The following VPS54 variants were observed in gnomAD, a reference collection of about 807,000 sequenced individuals.
VPS54 encodes the protein vacuolar protein sorting-associated protein 54.
Under a neutral mutation model 121.5 loss-of-function variants are expected in VPS54, and 45 were observed. The ratio of observed to expected loss-of-function variants is 0.37; its 90% CI spans 0.29 to 0.47. The LOEUF (loss-of-function observed/expected upper bound fraction) is 0.47, where lower values mean the gene tolerates loss of function less well. Ranked by LOEUF, VPS54 falls within the 20% of genes least tolerant of loss-of-function variation. VPS54 has a pLI of 0.99. For missense variants in VPS54, 1,090 were observed against 1,131.4 expected, an observed-to-expected ratio of 0.96 and a Z score of 0.52; for synonymous variants, 371 against 385.8, an observed-to-expected ratio of 0.96 and a Z score of 0.45.
intron 1 of VPS54, among the ~76,000 whole-genome samples, chr2:63,997,714 TTTG>T (rs1378481136): frequency 6.6e-6 from 1 of 152,014 alleles, no homozygotes; most frequent in Non-Finnish European, 1.5e-5. Context: ...TGCTCTGAGC[TTTG>T]TTATTTCTTT....
chr2:63,996,876 G>A (rs1376512182), intron 1 of VPS54, among the ~76,000 whole-genome samples: 1 of 152,036 alleles, frequency 6.6e-6, no homozygotes, highest in Non-Finnish European at 1.5e-5. Flanking sequence ...CATTTGCCTT[G>A]TGATATTTTG....
intron 22 of VPS54, among the ~76,000 whole-genome samples, chr2:63,894,194 CACAA>C (rs1672343494): frequency 6.6e-6 from 1 of 152,186 alleles, no homozygotes; most frequent in Admixed American, 6.5e-5. Flanking sequence ...AACAAATTCT[CACAA>C]ACTACTCCAC....
chr2:64,010,654 C>A (rs1280962916), intron 1 of VPS54, among the ~76,000 whole-genome samples: 2 of 149,636 alleles, frequency 1.3e-5, no homozygotes, highest in Non-Finnish European at 2.9e-5. Context: ...ACACAAATAG[C>A]AATATACTTC....
intron 1 of VPS54, among the ~76,000 whole-genome samples, chr2:63,991,345 G>C (rs1438570382): frequency 6.6e-6 from 1 of 152,190 alleles, no homozygotes; most frequent in Non-Finnish European, 1.5e-5. Flanking sequence ...TGAACCATGA[G>C]TGTAAAATGG....
At position 63,983,357 on chromosome 2, in the gene VPS54, T is replaced by C. The variant is rs541198788; in HGVS notation, c.136+507A>G. 5.3e-5 allele frequency among the ~76,000 whole-genome samples: 8 copies of C among 151,644 alleles called. No homozygotes were observed. In the South Asian group the frequency reaches 1.7e-3, roughly 32 times the overall value. On this transcript the variant is annotated intron_variant, in intron 2 of 22. Coordinates refer to ENST00000272322, the MANE Select transcript of VPS54 (RefSeq NM_016516.3). ...CATGTTGGCCAGGCTGATGTTGAAC[T>C]CCCTCCTGACCTCAAGTGATCTGCC...
chr2:63,893,977 A>G (rs1248478512), intron 22 of VPS54, among the ~76,000 whole-genome samples: 1 of 152,226 alleles, frequency 6.6e-6, no homozygotes, highest in African/African-American at 2.4e-5. Flanking sequence ...GTATTCATGT[A>G]TATAAGCGAT....
chr2:63,970,300 T>G (rs1028160907), intron 4 of VPS54, among the ~76,000 whole-genome samples: 8 of 135,214 alleles, frequency 5.9e-5, no homozygotes, highest in African/African-American at 1.8e-4. Flanking sequence ...TATAGATATA[T>G]ATAGATATAG....
chr2:63,944,911 A>G (rs1406267855), intron 9 of VPS54, among the ~76,000 whole-genome samples: 2 of 152,188 alleles, frequency 1.3e-5, no homozygotes, highest in Non-Finnish European at 2.9e-5. Context: ...GGTTGTAGAG[A>G]AAAGGGAACA....
chr2:63,972,089 T>C (rs749614568), intron 4 of VPS54, 77 bp downstream of exon 4: 138 of 891,254 alleles, frequency 1.5e-4, no homozygotes, highest in Non-Finnish European at 2.1e-4. Flanking sequence ...TAACAGGCAA[T>C]AAGGTCCCAA....
intron 12 of VPS54, 86 bp downstream of exon 12, chr2:63,933,587 T>C (rs1006647949): frequency 6.3e-6 from 8 of 1,260,638 alleles, no homozygotes; most frequent in African/African-American, 6.0e-5. Context: ...ACATGGTTTT[T>C]CAATAAACTG....
chr2:63,899,843 G>A (rs1672602166), intron 20 of VPS54, among the ~76,000 whole-genome samples: 2 of 152,112 alleles, frequency 1.3e-5, no homozygotes, highest in Admixed American at 6.6e-5. Flanking sequence ...ACAGACTGCT[G>A]GGTTCAGATC....
chr2:63,925,213 C>T (rs1240315740), intron 12 of VPS54, among the ~76,000 whole-genome samples: 3 of 152,118 alleles, frequency 2.0e-5, no homozygotes, highest in Non-Finnish European at 4.4e-5. Flanking sequence ...GACAAACCAA[C>T]AGAAAAATGG....
chr2:63,993,263 C>A (rs766951897), intron 1 of VPS54, among the ~76,000 whole-genome samples: 1 of 152,154 alleles, frequency 6.6e-6, no homozygotes. Flanking sequence ...TTATTTAACA[C>A]CTACTTTAGG....
intron 1 of VPS54, among the ~76,000 whole-genome samples, chr2:64,001,043 T>A (rs1207094783): frequency 6.6e-6 from 1 of 152,194 alleles, no homozygotes; most frequent in Non-Finnish European, 1.5e-5. Context: ...CTTAGAAGTC[T>A]ACCTGGTGTT....
At position 64,013,660 on chromosome 2, in the gene VPS54, T is replaced by A. The variant is rs946615604; in HGVS notation, c.-21+5278A>T. Among the ~76,000 whole-genome samples, 5 of 145,786 alleles carry A rather than the reference T, an allele frequency of 3.4e-5. No individual in the cohort carries two copies. In the East Asian group the frequency reaches 1.0e-3, roughly 29 times the overall value. On this transcript the variant is annotated intron_variant, in intron 1 of 22. Transcript: ENST00000272322. ...TATATATCAATATATAGATATATAT[T>A]GATATATATATCTATATATTGATAT...
chr2:63,921,330 C>T lies in VPS54; in HGVS notation c.1745G>A (p.Ser582Asn). 3 of 1,611,538 alleles carry T rather than the reference C, an allele frequency of 1.9e-6. No individual in the cohort carries two copies. The highest frequency in any genetic ancestry group is 2.5e-6 in the Non-Finnish European group (3 of 1,178,602). Reference sequence around the variant, plus strand: ...TGAGTCAGTTAATTTCATATCTTCACTGACCCTGAAAATAACAAAATAAGA... The same window carrying T: ...TGAGTCAGTTAATTTCATATCTTCATTGACCCTGAAAATAACAAAATAAGA... ...AIPGGVDIMV[S>N]EDMKLTDSEL... Residue 582 changes from serine to asparagine, a missense_variant, in exon 13 of 23, where the codon AGT (serine) becomes AAT (asparagine). Ser to Asn is a conservative substitution (Grantham distance 46). Transcript: ENST00000272322.
chr2:63,920,536 C>T lies in VPS54; in HGVS notation c.1961G>A (p.Gly654Glu). The stretch of plus-strand genomic sequence containing the variant: ...TCCAAGTAATGACGTGCTTTTTCTT[C>T]CACAGATCTGTTCGGTGTCTAAAAT... Reference protein sequence around the residue: ...TFILDTEQICGRKSTSLLGAL... With the variant: ...TFILDTEQICERKSTSLLGAL... The change falls in exon 14 of 23, where the codon GGA becomes GAA. Residue 654 changes from glycine to glutamate, a missense_variant. This residue lies in a region of VPS54 where 801 missense variants were observed against 757.0 expected (regional missense o/e 1.06). Transcript: ENST00000272322. The T allele has an allele frequency of 6.3e-7, 1 of 1,590,910 alleles. No individual in the cohort carries two copies. Among genetic ancestry groups the T allele is most frequent in the Non-Finnish European group, 8.6e-7 (1 of 1,169,200 alleles).
intron 1 of VPS54, among the ~76,000 whole-genome samples, chr2:63,993,283 C>A (rs1677416286): frequency 6.6e-6 from 1 of 152,170 alleles, no homozygotes; most frequent in African/African-American, 2.4e-5. Flanking sequence ...GCATTCCGAC[C>A]TATGCACTAA....
intron 1 of VPS54, among the ~76,000 whole-genome samples, chr2:64,007,108 C>G (rs1445137040): frequency 1.3e-5 from 2 of 152,160 alleles, no homozygotes; most frequent in African/African-American, 2.4e-5. Flanking sequence ...CAATAACAAA[C>G]TAAACCAATA....
Sources: allele counts gnomAD v4.1 joint callset (sites outside exome capture counted in the v4.1 genomes callset), GRCh38; gene constraint gnomAD v4.1.1; regional missense constraint gnomAD v4.1.1; transcripts MANE v1.5; gene names NCBI Gene and HGNC (gene_info 2026-07-23, HGNC 2026-07-21).